Variants in PRKX observed in about 807,000 individuals in gnomAD.
PRKX encodes cAMP-dependent protein kinase catalytic subunit PRKX.
Under a neutral mutation model 22.0 loss-of-function variants are expected in PRKX, and 12 were observed. The observed-to-expected ratio is 0.54, with a 90% CI of 0.35 to 0.88. The LOEUF is 0.88. Among genes scored for constraint, PRKX ranks in the 40% least tolerant of loss-of-function variants. The pLI is 0.01. For missense variants in PRKX, 217 were observed against 308.0 expected, an observed-to-expected ratio of 0.70 and a Z score of 2.21; for synonymous variants, 134 against 137.7, an observed-to-expected ratio of 0.97 and a Z score of 0.19.
At chrX:3,689,848 A>G (rs189927862) in intron 1 of PRKX, among the ~76,000 whole-genome samples, 2,555 of 111,185 alleles carry the variant, frequency 0.023, 63 homozygotes, top group African/African-American at 0.066. Context: ...GTGGTGGCGG[A>G]AGCCTGTAGT....
intron 1 of PRKX, among the ~76,000 whole-genome samples, chrX:3,677,751 A>G (rs1476596061): frequency 3.6e-5 from 4 of 111,696 alleles, no homozygotes; most frequent in Non-Finnish European, 7.5e-5. Context: ...GGAGGAGGAG[A>G]AGTAACCTTT....
At chrX:3,632,645 C>G (rs1926808837) in intron 4 of PRKX, among the ~76,000 whole-genome samples, 1 of 111,700 alleles carries the variant, frequency 9.0e-6, no homozygotes, top group Non-Finnish European at 1.9e-5. Flanking sequence ...TAAGTGAGCA[C>G]TAACTGATGA....
chrX:3,706,832 A>T (rs1355486686), intron 1 of PRKX, among the ~76,000 whole-genome samples: 1 of 111,944 alleles, frequency 8.9e-6, no homozygotes, highest in African/African-American at 3.2e-5. Context: ...CTTTCCCATT[A>T]AGAAAATAAG....
chrX:3,645,592 C>G (rs1179476795), intron 3 of PRKX, among the ~76,000 whole-genome samples: 2 of 112,261 alleles, frequency 1.8e-5, no homozygotes, highest in Non-Finnish European at 3.8e-5. Context: ...GTGATGGTTG[C>G]ACGACATGGT....
chrX:3,696,244 TGACTCCCAGCCTCC>T (rs1410411648), intron 1 of PRKX, among the ~76,000 whole-genome samples: 2 of 111,107 alleles, frequency 1.8e-5, no homozygotes, highest in Non-Finnish European at 1.9e-5. Flanking sequence ...CCTTGATCTG[TGACTCCCAGCCTCC>T]AGAACTGGGA....
In PRKX at chrX:3,605,519, G is replaced by T. The variant is rs1472547242; in HGVS notation, c.*3450C>A. 2.7e-5 allele frequency: 3 copies of T among 112,781 alleles called. No individual in the cohort carries two copies. The highest frequency in any genetic ancestry group is 9.7e-5 in the African/African-American group (3 of 30,945). The allele number at this position is 112,781 out of a possible 1,213,427, so 9.3% of individuals were successfully genotyped here. A position where few individuals can be genotyped will look rare whatever the true frequency, so the allele number is the denominator to read the frequency against. On this transcript the variant is annotated 3_prime_UTR_variant, in exon 9 of 9. Coordinates refer to ENST00000262848, the MANE Select transcript of PRKX (RefSeq NM_005044.5). ...TAAGCCATAGTTTCACAGTTACAAT[G>T]GTCCAAAGAATTAGAGGCCATGTAG...
At chrX:3,703,365 A>C (rs1169778937) in intron 1 of PRKX, among the ~76,000 whole-genome samples, 3 of 111,996 alleles carry the variant, frequency 2.7e-5, no homozygotes, top group Non-Finnish European at 5.6e-5. Flanking sequence ...GAAAGGCTGG[A>C]AGAACTGCCC....
At chrX:3,621,189 C>A (rs1171868111) in intron 6 of PRKX, 70 bp downstream of exon 6, 30 of 978,572 alleles carry the variant, frequency 3.1e-5, no homozygotes, top group Non-Finnish European at 4.2e-5. Flanking sequence ...CCTGCACATG[C>A]CAATGTGGGT....
chrX:3,654,072 T>C (rs1320378422), intron 3 of PRKX, among the ~76,000 whole-genome samples: 1 of 85,160 alleles, frequency 1.2e-5, no homozygotes, highest in Non-Finnish European at 2.1e-5. Context: ...TAATATACTA[T>C]ATAATATATA....
intron 3 of PRKX, among the ~76,000 whole-genome samples, chrX:3,649,593 G>GGAGGC (rs1384874886): frequency 7.1e-4 from 7 of 9,906 alleles, no homozygotes; most frequent in Non-Finnish European, 6.3e-4. Flanking sequence ...GGTTGCTAGG[G>GGAGGC]GAGGGGAGGG....
chrX:3,710,220 T>C (rs1928761245), intron 1 of PRKX, among the ~76,000 whole-genome samples: 1 of 111,753 alleles, frequency 8.9e-6, no homozygotes, highest in Non-Finnish European at 1.9e-5. Flanking sequence ...ACTGTTCTGA[T>C]CCAAAGTTCC....
intron 4 of PRKX, among the ~76,000 whole-genome samples, chrX:3,628,246 G>A (rs1484195647): frequency 9.0e-6 from 1 of 111,024 alleles, no homozygotes; most frequent in South Asian, 3.8e-4. Flanking sequence ...TAGACGCTGG[G>A]AAGGGAAGAA....
In PRKX at chrX:3,713,126, A is replaced by G. The variant is rs3752362; in HGVS notation, c.128T>C (p.Val43Ala). Residue 43 changes from valine (V) to alanine (A), a missense_variant, in exon 1 of 9, where the codon GTG becomes GCG. Transcript: ENST00000262848. ...SPEALSPEPPVYSLQDFDTLA... is the reference protein window; with the variant it reads ...SPEALSPEPPAYSLQDFDTLA... ...CGTGTCAAAGTCCTGCAGGCTGTAC[A>G]CAGGCGGCTCCGGCGACAGCGCCTC... The G allele has an allele frequency of 0.41, 473,178 of 1,158,186 alleles. 76,703 individuals carry two copies. The highest frequency in any genetic ancestry group is 0.93 in the East Asian group (27,091 of 29,175).
At chrX:3,654,229 C>T (rs982295945) in intron 3 of PRKX, among the ~76,000 whole-genome samples, 26 of 93,219 alleles carry the variant, frequency 2.8e-4, no homozygotes, top group African/African-American at 1.0e-3. Context: ...ATATCATAGT[C>T]ATTGTATACT....
At chrX:3,656,179 T>C (rs61285249) in intron 2 of PRKX, among the ~76,000 whole-genome samples, 31,509 of 110,864 alleles carry the variant, frequency 0.28, 3,536 homozygotes, top group African/African-American at 0.38. Context: ...ATGATATCTA[T>C]ACGTATAGAT....
At chrX:3,662,998 TAAAAAAAAAAA>T (rs56411206) in intron 2 of PRKX, among the ~76,000 whole-genome samples, 17,625 of 78,393 alleles carry the variant, frequency 0.22, 1,393 homozygotes, top group Admixed American at 0.49. Context: ...GCCCTGTCTT[TAAAAAAAAAAA>T]AAAAAAAAAA....
In PRKX at chrX:3,612,226, C is replaced by A. The variant is rs747979274; in HGVS notation, c.1051G>T (p.Asp351Tyr). The change falls in exon 8 of 9, where the codon GAT (aspartate) becomes TAT (tyrosine). Residue 351 changes from aspartate to tyrosine, a missense_variant. By Grantham distance (160) the Asp-to-Tyr change is radical. Coordinates refer to ENST00000262848, the MANE Select transcript of PRKX (RefSeq NM_005044.5). ...CAGAAATTCTTGAAGATTTCTAAAT[C>A]CTTCTGCGGCACGGGCGCGGCTGTG... ...WDTAAPVPQKDLEIFKNF is the reference protein window; with the variant it reads ...WDTAAPVPQKYLEIFKNF The A allele has an allele frequency of 2.9e-5, 35 of 1,207,070 alleles. No individual in the cohort carries two copies. The highest frequency in any genetic ancestry group is 3.8e-5 in the Non-Finnish European group (34 of 894,199).
Position 3,608,617 on chromosome X carries a change from ACACAC to A in PRKX, c.*347_*351del, listed in dbSNP as rs1226373338. 1 of 75,365 alleles carries A rather than the reference ACACAC, an allele frequency of 1.3e-5. No individual in the cohort carries two copies. The allele number at this position is 75,365 out of a possible 1,213,427, so 6.2% of individuals were successfully genotyped here. A position where few individuals can be genotyped will look rare whatever the true frequency, so the allele number is the denominator to read the frequency against. ...CACACACACACACACACACACACAC[ACACAC>A]AATTTGTGGTTATAATCGAACAAGT... On this transcript the variant is annotated 3_prime_UTR_variant, in exon 9 of 9. Coordinates refer to ENST00000262848, the MANE Select transcript of PRKX (RefSeq NM_005044.5).
At chrX:3,670,157 G>T (rs1193155470) in intron 2 of PRKX, 1 of 123,925 alleles carries the variant, frequency 8.1e-6, no homozygotes, top group Non-Finnish European at 1.9e-5. Context: ...ATGGGAAGCA[G>T]ATGTTGAGCA....
Sources: gnomAD v4.1 joint callset for allele counts (sites outside exome capture counted in the v4.1 genomes callset) on GRCh38, gnomAD v4.1.1 for gene constraint, MANE v1.5 for transcripts, NCBI Gene and HGNC (gene_info 2026-07-23, HGNC 2026-07-21) for gene names.